The following RMC1 variants were observed in gnomAD, a reference collection of about 807,000 sequenced individuals.
RMC1 encodes the protein regulator of MON1-CCZ1 complex.
Under a neutral mutation model 95.5 loss-of-function variants are expected in RMC1, and 44 were observed. The observed-to-expected ratio is 0.46, with a 90% CI of 0.36 to 0.59. The LOEUF (loss-of-function observed/expected upper bound fraction) is 0.59. RMC1 is among the 20% of genes least tolerant of loss of function. The pLI, the probability that RMC1 is intolerant of heterozygous loss-of-function variation, is 0.00. For missense variants in RMC1, 705 were observed against 819.6 expected, an observed-to-expected ratio of 0.86 and a Z score of 1.71; for synonymous variants, 320 against 303.6, an observed-to-expected ratio of 1.05 and a Z score of -0.56.
intron 19 of RMC1, 129 bp downstream of exon 19, chr18:23,530,741 A>C: frequency 1.3e-6 from 1 of 785,154 alleles, no homozygotes; most frequent in Middle Eastern, 3.1e-4. Flanking sequence ...CAGCCCACCT[A>C]GCCCTTGGCC....
rs1045572626 is a variant in RMC1 at position 23,530,286 on chromosome 18, G to A, written c.1657G>A (p.Asp553Asn). ...TCCTCCTGCTCATCAGCTATCTCTG[G>A]ACATGCTGAAGGTAACTCTGATGTG... is the stretch of plus-strand genomic sequence containing the variant. ...FYPPAHQLSL[D>N]MLKRLSTAND... The change falls in exon 18 of 20, where the codon GAC (aspartate) becomes AAC (asparagine). Residue 553 changes from aspartate to asparagine, a missense_variant. Transcript: ENST00000269221. 6.2e-7 allele frequency: 1 copy of A among 1,614,186 alleles called. No individual in the cohort carries two copies.
chr18:23,516,559 TC>T, intron 7 of RMC1, 136 bp downstream of exon 7: 1 of 831,116 alleles, frequency 1.2e-6, no homozygotes, highest in South Asian at 1.6e-5. Context: ...TTCTGGGTAT[TC>T]AGTGTATAGG....
chr18:23,503,749 C>G, intron 1 of RMC1, 29 bp downstream of exon 1: 2 of 1,574,784 alleles, frequency 1.3e-6, no homozygotes, highest in South Asian at 2.3e-5. Context: ...TCCTCCCCCG[C>G]GCGGCCCTGC....
intron 5 of RMC1, among the ~76,000 whole-genome samples, chr18:23,513,966 G>A (rs924549179): frequency 5.3e-5 from 8 of 152,138 alleles, no homozygotes; most frequent in South Asian, 2.1e-4. Context: ...CTCCGAATCC[G>A]GAGGTTGCCT....
At chr18:23,505,784 G>C (rs1378375546) in intron 2 of RMC1, among the ~76,000 whole-genome samples, 1 of 152,202 alleles carries the variant, frequency 6.6e-6, no homozygotes, top group Non-Finnish European at 1.5e-5. Context: ...GGGGTCGGTT[G>C]GGTGTGGAAA....
At position 23,519,114 on chromosome 18, in the gene RMC1, G is replaced by A. The variant is rs760305045; in HGVS notation, c.789G>A (p.Thr263=). ...KKMHILKLNR[T]GKFALNVVDN... is the part of the protein sequence containing the mutation. ...TGCACATATTGAAGTTAAATAGGAC[G>A]GGAAAGTTTGCCCTGAACGTGGTGG... Residue 263 remains threonine (T), a synonymous_variant, in exon 9 of 20, where the codon ACG becomes ACA. Coordinates refer to ENST00000269221, the MANE Select transcript of RMC1 (RefSeq NM_013326.5). 2.1e-5 allele frequency: 34 copies of A among 1,614,024 alleles called. No individual in the cohort carries two copies. The highest frequency in any genetic ancestry group is 1.6e-4 in the Middle Eastern group (1 of 6,082).
At chr18:23,517,597 ACTTCTGATT>A (rs2058042870) in intron 7 of RMC1, among the ~76,000 whole-genome samples, 1 of 152,160 alleles carries the variant, frequency 6.6e-6, no homozygotes, top group Non-Finnish European at 1.5e-5. Flanking sequence ...CTTCTAAGTT[ACTTCTGATT>A]CTTCTGTGGC....
rs544891687 is a variant in RMC1 at position 23,503,633 on chromosome 18, C to G, written c.15C>G (p.Asp5Glu). Reference protein sequence around the residue: MGEEDYYLELCERPV... With the variant: MGEEEYYLELCERPV... ...CGGCGCCCGCCATGGGCGAGGAGGA[C>G]TACTATCTGGAGCTGTGCGAGCGGC... The change falls in exon 1 of 20, where the codon GAC (aspartate) becomes GAG (glutamate). Residue 5 changes from aspartate (D) to glutamate (E), a missense_variant. By Grantham distance (45) the Asp-to-Glu change is conservative. Coordinates refer to ENST00000269221, the MANE Select transcript of RMC1 (RefSeq NM_013326.5). The G allele has an allele frequency of 1.9e-6, 3 of 1,575,922 alleles. No homozygotes were observed. Among genetic ancestry groups the G allele is most frequent in the Non-Finnish European group, 2.6e-6 (3 of 1,162,368 alleles).
Position 23,515,842 on chromosome 18 carries a change from A to C in RMC1, c.409-14A>C. 12 of 1,613,958 alleles carry C rather than the reference A, an allele frequency of 7.4e-6. No individual in the cohort carries two copies. Among genetic ancestry groups the C allele is most frequent in the Non-Finnish European group, 1.0e-5 (12 of 1,179,898 alleles). On this transcript the variant is annotated splice_polypyrimidine_tract_variant and intron_variant, in intron 5 of 19. Transcript: ENST00000269221. ...TTTTTAAATGAAGATCCTGTTTCTTAAACTCTGCTTCAGGTATTACCAGAG... is the reference window on the plus strand; with the variant it reads ...TTTTTAAATGAAGATCCTGTTTCTTCAACTCTGCTTCAGGTATTACCAGAG...
At chr18:23,504,026 A>G (rs150001003) in intron 1 of RMC1, among the ~76,000 whole-genome samples, 1 of 151,940 alleles carries the variant, frequency 6.6e-6, no homozygotes, top group Non-Finnish European at 1.5e-5. Context: ...CATTAGTTAC[A>G]CTCGTAGTCA....
At chr18:23,517,928 G>A (rs918257892) in intron 7 of RMC1, among the ~76,000 whole-genome samples, 1 of 152,118 alleles carries the variant, frequency 6.6e-6, no homozygotes, top group Non-Finnish European at 1.5e-5. Context: ...ATGTTGCCCA[G>A]GCTGGTCTTG....
chr18:23,529,779 C>A, intron 16 of RMC1, 67 bp downstream of exon 16: 3 of 1,464,334 alleles, frequency 2.0e-6, no homozygotes, highest in African/African-American at 2.8e-5. Context: ...CAGTCACTGT[C>A]TTAGAAGATG....
At chr18:23,511,447 A>G (rs1225441860) in intron 5 of RMC1, among the ~76,000 whole-genome samples, 1 of 152,202 alleles carries the variant, frequency 6.6e-6, no homozygotes, top group Non-Finnish European at 1.5e-5. Flanking sequence ...TATGTAACAA[A>G]CCTTCACATC....
At chr18:23,520,446 C>T (rs2058113904) in intron 10 of RMC1, 133 bp downstream of exon 10, 2 of 751,862 alleles carry the variant, frequency 2.7e-6, no homozygotes, top group Admixed American at 5.8e-5. Context: ...CTGATTTTGC[C>T]AGGGGCCATT....
Position 23,525,113 on chromosome 18 carries a change from A to AT in RMC1, c.1060+635dup, listed in dbSNP as rs573751119. Among the ~76,000 whole-genome samples, 53 of 150,262 alleles carry AT rather than the reference A, an allele frequency of 3.5e-4. No individual in the cohort carries two copies. The South Asian group carries it at 8.7e-3, about 25-fold the overall frequency. Reference sequence around the variant, plus strand: ...AGGCATGTGCCACCACGCCCAGCTAATTTTGTATTTTTAGTAGAGACGAGG... The same window carrying AT: ...AGGCATGTGCCACCACGCCCAGCTAATTTTTGTATTTTTAGTAGAGACGAGG... On this transcript the variant is annotated intron_variant, in intron 12 of 19. Transcript: ENST00000269221.
At chr18:23,524,347 G>A (rs2058232119) in intron 11 of RMC1, 82 bp from the exon 12 acceptor site, 3 of 1,529,802 alleles carry the variant, frequency 2.0e-6, no homozygotes, top group African/African-American at 2.7e-5. Flanking sequence ...AGTACATGGT[G>A]GGCAGGGGCG....
chr18:23,514,935 G>A (rs1020807779), intron 5 of RMC1, among the ~76,000 whole-genome samples: 3 of 152,150 alleles, frequency 2.0e-5, no homozygotes, highest in South Asian at 4.2e-4. Context: ...CTGTAATATC[G>A]GAATATTTAG....
intron 5 of RMC1, 89 bp from the exon 6 acceptor site, chr18:23,515,767 A>G: frequency 6.7e-7 from 1 of 1,502,456 alleles, no homozygotes; most frequent in Non-Finnish European, 9.2e-7. Context: ...TCCTGACCTC[A>G]GGTGATCCGC....
chr18:23,526,843 C>G, intron 13 of RMC1, 78 bp downstream of exon 13: 7 of 1,545,312 alleles, frequency 4.5e-6, no homozygotes, highest in Non-Finnish European at 8.8e-7. Flanking sequence ...GGGATGTGGG[C>G]TACATTGTTG....
Sources: gnomAD v4.1 joint callset for allele counts (sites outside exome capture counted in the v4.1 genomes callset) on GRCh38, gnomAD v4.1.1 for gene constraint, MANE v1.5 for transcripts, NCBI Gene and HGNC (gene_info 2026-07-23, HGNC 2026-07-21) for gene names.